Variants in SOX5 observed in about 807,000 individuals in gnomAD.
SOX5 encodes the protein transcription factor SOX-5.
SOX5 carries 9 observed loss-of-function variants against 92.0 expected under a neutral mutation model. The observed-to-expected ratio is 0.10, with a 90% confidence interval of 0.06 to 0.17. The LOEUF is 0.17. Among genes scored for constraint, SOX5 ranks in the 10% least tolerant of loss-of-function variants. The pLI, the probability that SOX5 is intolerant of heterozygous loss-of-function variation, is 1.00. For missense variants in SOX5, 642 were observed against 944.5 expected (o/e 0.68, Z 4.20); for synonymous variants, 344 against 336.3 (o/e 1.02, Z -0.25).
At chr12:23,783,232 T>C (rs1014843533) in intron 3 of SOX5, among the ~76,000 whole-genome samples, 5 of 152,188 alleles carry the variant, frequency 3.3e-5, no homozygotes, top group Non-Finnish European at 5.9e-5. Context: ...GTATCTCCAA[T>C]GCCTAGAACA....
intron 8 of SOX5, among the ~76,000 whole-genome samples, chr12:23,621,438 A>G (rs905639026): frequency 1.3e-5 from 2 of 152,236 alleles, no homozygotes; most frequent in Admixed American, 1.3e-4. Context: ...CGTGGTTAAA[A>G]TGTAAGTTTT....
At chr12:23,934,384 A>G (rs1470705309) in intron 1 of SOX5, among the ~76,000 whole-genome samples, 1 of 150,352 alleles carries the variant, frequency 6.7e-6, no homozygotes, top group Non-Finnish European at 1.5e-5. Context: ...TCAATTTTAT[A>G]TATTATACAT....
intron 1 of SOX5, among the ~76,000 whole-genome samples, chr12:24,427,177 C>A (rs1420910481): frequency 6.6e-6 from 1 of 152,068 alleles, no homozygotes; most frequent in African/African-American, 2.4e-5. Flanking sequence ...ACTTGTCAAA[C>A]CTTAGTTAGA....
intron 4 of SOX5, among the ~76,000 whole-genome samples, chr12:24,074,650 A>AAAAAAAAC (rs1942284231): frequency 6.6e-6 from 1 of 151,020 alleles, no homozygotes; most frequent in African/African-American, 2.4e-5. Flanking sequence ...AAAAAAAAAA[A>AAAAAAAAC]AAAGCTCAAT....
chr12:24,228,832 G>A (rs1962698310), intron 3 of SOX5, among the ~76,000 whole-genome samples: 2 of 152,310 alleles, frequency 1.3e-5, no homozygotes, highest in South Asian at 4.1e-4. Flanking sequence ...CTGCTGGCCT[G>A]CTGCAGAAGG....
chr12:23,985,916 G>A (rs963211862), intron 4 of SOX5, among the ~76,000 whole-genome samples: 1 of 151,762 alleles, frequency 6.6e-6, no homozygotes, highest in Non-Finnish European at 1.5e-5. Flanking sequence ...CTCAGCTCAC[G>A]GTCCCCTTCA....
intron 1 of SOX5, among the ~76,000 whole-genome samples, chr12:23,939,796 CAG>C (rs1943274466): frequency 1.3e-5 from 2 of 150,970 alleles, no homozygotes. Flanking sequence ...CCTTGCTTTG[CAG>C]AGTTTAACAT....
At chr12:24,108,135 G>C (rs1262232721) in intron 4 of SOX5, among the ~76,000 whole-genome samples, 2 of 152,156 alleles carry the variant, frequency 1.3e-5, no homozygotes, top group Non-Finnish European at 2.9e-5. Flanking sequence ...TTGTTTCTCT[G>C]TGTAAGTTGC....
intron 3 of SOX5, among the ~76,000 whole-genome samples, chr12:24,236,903 A>G (rs1453868442): frequency 7.0e-6 from 1 of 143,006 alleles, no homozygotes; most frequent in Non-Finnish European, 1.6e-5. Flanking sequence ...GTCAGTATCC[A>G]CAACTCAAAA....
intron 4 of SOX5, among the ~76,000 whole-genome samples, chr12:24,171,208 GT>G (rs1173228023): frequency 3.0e-5 from 1 of 33,100 alleles, no homozygotes. Context: ...TTGGCCAACA[GT>G]TTTTTTTGTT....
rs150251701 is a variant in SOX5 at position 24,155,411 on chromosome 12, T to C, written c.-2+57932A>G. On this transcript the variant is annotated intron_variant, in intron 4 of 4. Coordinates refer to the SOX5 transcript ENST00000446891. Reference sequence around the variant, plus strand: ...AACTTCTTCATTATCAAACTTCTTATTTTTTTGACATTGTTTCCATAATTT... The same window carrying C: ...AACTTCTTCATTATCAAACTTCTTACTTTTTTGACATTGTTTCCATAATTT... Among the ~76,000 whole-genome samples the C allele has an allele frequency of 6.3e-3, 957 of 152,242 alleles. 3 individuals carry two copies. The highest frequency in any genetic ancestry group is 9.5e-3 in the Non-Finnish European group (649 of 67,990).
intron 2 of SOX5, among the ~76,000 whole-genome samples, chr12:24,286,291 G>C (rs1945853668): frequency 6.6e-6 from 1 of 152,146 alleles, no homozygotes; most frequent in South Asian, 2.1e-4. Context: ...TTCCAGACTA[G>C]TTTCAATCCT....
intron 3 of SOX5, among the ~76,000 whole-genome samples, chr12:24,246,446 G>A (rs998412923): frequency 2.6e-5 from 4 of 151,834 alleles, no homozygotes; most frequent in African/African-American, 9.7e-5. Flanking sequence ...CATACCACCT[G>A]AGAGAAACTG....
chr12:24,234,887 C>T (rs896380157), intron 3 of SOX5, among the ~76,000 whole-genome samples: 4 of 151,922 alleles, frequency 2.6e-5, no homozygotes, highest in East Asian at 1.9e-4. Flanking sequence ...AGGGGGTGCT[C>T]GTAGCATCTA....
At chr12:23,669,692 CAT>C (rs74909141) in intron 6 of SOX5, among the ~76,000 whole-genome samples, 8,938 of 151,590 alleles carry the variant, frequency 0.059, 395 homozygotes, top group South Asian at 0.23. Flanking sequence ...TTGCAGTACT[CAT>C]AGATGAAAAA....
intron 7 of SOX5, among the ~76,000 whole-genome samples, chr12:23,646,198 A>G (rs116391012): frequency 0.011 from 1,672 of 152,184 alleles, 30 homozygotes; most frequent in African/African-American, 0.038. Context: ...ATTTTGAGAC[A>G]GGGTCTGGCT....
chr12:24,269,991 T>G (rs145069866), intron 3 of SOX5, among the ~76,000 whole-genome samples: 1 of 152,168 alleles, frequency 6.6e-6, no homozygotes, highest in East Asian at 1.9e-4. Context: ...AGCCTGGTAT[T>G]CTTTTCCAGA....
intron 4 of SOX5, among the ~76,000 whole-genome samples, chr12:23,996,037 A>G (rs773632788): frequency 2.0e-5 from 3 of 152,192 alleles, no homozygotes; most frequent in African/African-American, 4.8e-5. Flanking sequence ...GACTCATTTA[A>G]TAAGGATAGG....
intron 9 of SOX5, 111 bp downstream of exon 9, chr12:23,604,276 T>A: frequency 8.7e-7 from 1 of 1,147,150 alleles, no homozygotes. Context: ...TCTTACCTCC[T>A]TGTACACCCA....
Sources: gnomAD v4.1 joint callset for allele counts (sites outside exome capture counted in the v4.1 genomes callset) on GRCh38, gnomAD v4.1.1 for gene constraint, MANE v1.5 for transcripts, NCBI Gene and HGNC (gene_info 2026-07-23, HGNC 2026-07-21) for gene names.